NALF1: variants seen among roughly 807,000 people sequenced by gnomAD.
NALF1 encodes NALCN channel auxiliary factor 1.
NALF1 carries 3 observed loss-of-function variants against 48.4 expected under a neutral mutation model. The observed-to-expected ratio is 0.06, with a 90% CI of 0.03 to 0.16. The LOEUF is 0.16. Ranked by LOEUF, NALF1 falls within the 10% of genes least tolerant of loss-of-function variation. The pLI is 1.00. For synonymous variants in NALF1, 262 were observed against 245.7 expected (o/e 1.07, Z -0.62); for missense variants, 526 against 571.5 (o/e 0.92, Z 0.81).
intron 1 of NALF1, among the ~76,000 whole-genome samples, chr13:107,364,320 T>G (rs909664714): frequency 5.3e-5 from 8 of 152,240 alleles, no homozygotes; most frequent in Non-Finnish European, 8.8e-5. Flanking sequence ...TTTAGATGAT[T>G]ATAAAAGCAG....
intron 1 of NALF1, among the ~76,000 whole-genome samples, chr13:107,554,719 T>C (rs896900969): frequency 3.3e-5 from 5 of 152,212 alleles, no homozygotes; most frequent in Non-Finnish European, 5.9e-5. Context: ...TGACAGTGGC[T>C]CACCATTCAC....
intron 1 of NALF1, among the ~76,000 whole-genome samples, chr13:107,670,678 T>G (rs1256561489): frequency 6.6e-6 from 1 of 152,112 alleles, no homozygotes; most frequent in Non-Finnish European, 1.5e-5. Context: ...TGTTCAATAT[T>G]CTTCACAACC....
intron 2 of NALF1, among the ~76,000 whole-genome samples, chr13:107,194,220 C>T (rs946261611): frequency 6.6e-6 from 1 of 152,108 alleles, no homozygotes; most frequent in African/African-American, 2.4e-5. Flanking sequence ...CTCACATAGA[C>T]ATTGTGAAGA....
At chr13:107,818,871 CAAAAAAAAAAAAA>C (rs774372636) in intron 1 of NALF1, among the ~76,000 whole-genome samples, 7 of 73,820 alleles carry the variant, frequency 9.5e-5, no homozygotes, top group Non-Finnish European at 1.8e-4. Context: ...GACTCCGTCT[CAAAAAAAAAAAAA>C]AAAAAAAAAA....
chr13:107,201,427 A>G (rs571191053), intron 2 of NALF1, among the ~76,000 whole-genome samples: 1 of 152,092 alleles, frequency 6.6e-6, no homozygotes, highest in African/African-American at 2.4e-5. Context: ...ATACCAAAAA[A>G]CCAGCCGGAC....
At chr13:107,603,645 A>G (rs1878992107) in intron 1 of NALF1, among the ~76,000 whole-genome samples, 1 of 152,224 alleles carries the variant, frequency 6.6e-6, no homozygotes, top group African/African-American at 2.4e-5. Flanking sequence ...AAATCTGACT[A>G]TAAAAACTAA....
intron 1 of NALF1, among the ~76,000 whole-genome samples, chr13:107,380,832 G>T (rs1883423170): frequency 6.6e-6 from 1 of 151,592 alleles, no homozygotes; most frequent in Non-Finnish European, 1.5e-5. Flanking sequence ...CAAAAAATTA[G>T]CCGGGCGTAG....
At chr13:107,398,667 C>T (rs6492052) in intron 1 of NALF1, among the ~76,000 whole-genome samples, 23,205 of 152,104 alleles carry the variant, frequency 0.15, 1,879 homozygotes, top group South Asian at 0.25. Flanking sequence ...GAGTAACTAA[C>T]TTTATAACCT....
chr13:107,737,801 G>A (rs1475868484), intron 1 of NALF1, among the ~76,000 whole-genome samples: 2 of 152,190 alleles, frequency 1.3e-5, no homozygotes, highest in Non-Finnish European at 2.9e-5. Context: ...GTACCCTGCT[G>A]TCTGGGGTTC....
intron 2 of NALF1, among the ~76,000 whole-genome samples, chr13:107,171,528 T>G (rs926436076): frequency 2.0e-5 from 3 of 152,192 alleles, no homozygotes; most frequent in African/African-American, 7.2e-5. Context: ...GCTTCTCTTG[T>G]TCTCTCTTCA....
chr13:107,350,648 G>A (rs1882856776), intron 1 of NALF1, among the ~76,000 whole-genome samples: 4 of 152,196 alleles, frequency 2.6e-5, no homozygotes, highest in Admixed American at 2.6e-4. Context: ...CTTCATTGAG[G>A]TAGAATGATT....
rs185248344 is a variant in NALF1 at position 107,820,951 on chromosome 13, T to C, written c.915+44731A>G. 3.3e-3 allele frequency among the ~76,000 whole-genome samples: 501 copies of C among 152,290 alleles called. 12 individuals carry two copies. The highest frequency in any genetic ancestry group is 8.7e-4 in the Non-Finnish European group (59 of 68,028). Reference sequence around the variant, plus strand: ...TTCTCATATATGTGGACAAAATGCATAGCAATTAATTCTGCATACTCCCTC... The same window carrying C: ...TTCTCATATATGTGGACAAAATGCACAGCAATTAATTCTGCATACTCCCTC... On this transcript the variant is annotated intron_variant, in intron 1 of 2. Transcript: ENST00000375915.
intron 2 of NALF1, among the ~76,000 whole-genome samples, chr13:107,201,596 G>GA (rs958761582): frequency 8.0e-5 from 12 of 150,880 alleles, no homozygotes; most frequent in South Asian, 2.1e-4. Flanking sequence ...AAAAAAGAAA[G>GA]AAAAAAAAAT....
chr13:107,172,433 CTATT>C (rs908008243), intron 2 of NALF1, among the ~76,000 whole-genome samples: 4 of 152,076 alleles, frequency 2.6e-5, no homozygotes, highest in African/African-American at 7.2e-5. Flanking sequence ...CTCAGTATAC[CTATT>C]TATTTAATTA....
chr13:107,728,536 G>A (rs975688063), intron 1 of NALF1, among the ~76,000 whole-genome samples: 4 of 150,368 alleles, frequency 2.7e-5, no homozygotes, highest in African/African-American at 9.8e-5. Flanking sequence ...CTGTCAGGGG[G>A]TTGGGGGAAA....
At chr13:107,524,055 C>T (rs1876346256) in intron 1 of NALF1, among the ~76,000 whole-genome samples, 1 of 152,006 alleles carries the variant, frequency 6.6e-6, no homozygotes, top group Admixed American at 6.6e-5. Flanking sequence ...TAATGATGAG[C>T]TTTGATTATA....
Position 107,621,491 on chromosome 13 carries a change from T to C in NALF1, c.915+244191A>G, listed in dbSNP as rs149982193. 2.9e-4 allele frequency among the ~76,000 whole-genome samples: 44 copies of C among 152,278 alleles called. No individual in the cohort carries two copies. In the East Asian group the frequency reaches 7.7e-3, roughly 27 times the overall value. ...AACTATTAAGTCATCAGAAGAACAGTCCTAGCAACTAGAGAACCATGTTTC... is the reference window on the plus strand; with the variant it reads ...AACTATTAAGTCATCAGAAGAACAGCCCTAGCAACTAGAGAACCATGTTTC... On this transcript the variant is annotated intron_variant, in intron 1 of 2. Transcript: ENST00000375915.
At chr13:107,221,481 G>A (rs534616547) in intron 1 of NALF1, among the ~76,000 whole-genome samples, 2 of 152,270 alleles carry the variant, frequency 1.3e-5, no homozygotes, top group East Asian at 3.9e-4. Flanking sequence ...TTGGGAGGCT[G>A]AGGCAGGAGA....
At chr13:107,533,466 A>T (rs1265951945) in intron 1 of NALF1, among the ~76,000 whole-genome samples, 1 of 152,094 alleles carries the variant, frequency 6.6e-6, no homozygotes, top group Non-Finnish European at 1.5e-5. Flanking sequence ...TCCCCTACAG[A>T]GGAGGCAGCC....
Sources: gnomAD v4.1 joint callset for allele counts (sites outside exome capture counted in the v4.1 genomes callset) on GRCh38, gnomAD v4.1.1 for gene constraint, MANE v1.5 for transcripts, NCBI Gene and HGNC (gene_info 2026-07-23, HGNC 2026-07-21) for gene names.